The following TSC2 variants were observed in gnomAD, a reference collection of about 807,000 sequenced individuals.
TSC2 encodes the protein tuberin.
In TSC2, 29 loss-of-function variants were observed where a neutral mutation model predicts 202.2. The ratio of observed to expected loss-of-function variants is 0.14; its 90% CI spans 0.11 to 0.20. The LOEUF is 0.20. Ranked by LOEUF, TSC2 falls within the 10% of genes least tolerant of loss-of-function variation. TSC2 has a pLI of 1.00. For missense variants in TSC2, 2,429 were observed against 2,420.0 expected (o/e 1.00, Z -0.08); for synonymous variants, 1,349 against 1,044.0 (o/e 1.29, Z -5.63).
chr16:2,076,245 G>T, intron 24 of TSC2, 75 bp downstream of exon 24: 1 of 1,600,598 alleles, frequency 6.2e-7, no homozygotes, highest in Non-Finnish European at 8.5e-7. Context: ...TCCATGGTCG[G>T]GCAGAGTGAC....
chr16:2,074,703 G>T (rs1387745883), intron 22 of TSC2: 2 of 448,636 alleles, frequency 4.5e-6, no homozygotes, highest in Admixed American at 6.8e-5. Context: ...CTTCAGGGGG[G>T]CTTTGTTCGC....
At chr16:2,060,344 T>C (rs1187318690) in intron 10 of TSC2, among the ~76,000 whole-genome samples, 3 of 152,164 alleles carry the variant, frequency 2.0e-5, no homozygotes, top group Non-Finnish European at 4.4e-5. Context: ...ATGTTGTCTT[T>C]GTGCACAGCT....
intron 16 of TSC2, 83 bp from the exon 17 acceptor site, chr16:2,070,373 G>A: frequency 1.2e-6 from 2 of 1,611,550 alleles, no homozygotes; most frequent in Non-Finnish European, 1.7e-6. Flanking sequence ...AGCCGCCCCG[G>A]CCCCTGCTCC....
Position 2,076,385 on chromosome 16 carries a change from C to A in TSC2, c.2743-106C>A, listed in dbSNP as rs376311544. On this transcript the variant is annotated intron_variant, in intron 24 of 41. Coordinates refer to ENST00000219476, the MANE Select transcript of TSC2 (RefSeq NM_000548.5). Reference sequence around the variant, plus strand: ...TGGGAGCTGGGTGCCGCCGCCTTGCCCCTAGCCTGCAGCTTGTCCCTGGCC... The same window carrying A: ...TGGGAGCTGGGTGCCGCCGCCTTGCACCTAGCCTGCAGCTTGTCCCTGGCC... 2.9e-5 allele frequency: 46 copies of A among 1,586,714 alleles called. No individual in the cohort carries two copies. The East Asian group carries it at 6.0e-4, about 21-fold the overall frequency.
Position 2,081,630 on chromosome 16 carries a change from C to T in TSC2, c.3646C>T (p.Leu1216Phe). The change falls in exon 31 of 42, where the codon CTC becomes TTC. Residue 1216 changes from leucine (L) to phenylalanine (F), a missense_variant. Coordinates refer to ENST00000219476, the MANE Select transcript of TSC2 (RefSeq NM_000548.5). ...CTGGCTGATGAGCCTGGAGAACCCG[C>T]TCAGCCCTTTCTCCTCGGACATCAA... ...TSWLMSLENP[L>F]SPFSSDINNM... 1 of 1,612,912 alleles carries T rather than the reference C, an allele frequency of 6.2e-7. No homozygotes were observed. Among genetic ancestry groups the T allele is most frequent in the Non-Finnish European group, 8.5e-7 (1 of 1,180,010 alleles).
In TSC2 at chr16:2,079,676, CT is replaced by C; in HGVS notation, c.3397+9del. 1 of 1,576,800 alleles carries C rather than the reference CT, an allele frequency of 6.3e-7. No individual in the cohort carries two copies. Among genetic ancestry groups the C allele is most frequent in the Non-Finnish European group, 8.6e-7 (1 of 1,162,514 alleles). ...CGGGTCCGTTCCATGTCGGGTGAGC[CT>C]TGGCCCCAGCCACCTCCACACAGGC... On this transcript the variant is annotated splice_region_variant and intron_variant, in intron 29 of 41. Transcript: ENST00000219476. This position sits in a 1 kb window ranked among gnomAD's most constrained non-coding sequence, Gnocchi z 4.6.
At chr16:2,081,212 C>T in intron 30 of TSC2, 1 of 357,628 alleles carries the variant, frequency 2.8e-6, no homozygotes, top group Non-Finnish European at 5.4e-6. Flanking sequence ...CAGAGGGAGC[C>T]CCCGCAGAGG....
Position 2,056,667 on chromosome 16 carries a change from C to A in TSC2, c.672C>A (p.Ala224=). The A allele has an allele frequency of 6.2e-7, 1 of 1,611,932 alleles. No homozygotes were observed. Among genetic ancestry groups the A allele is most frequent in the African/African-American group, 1.3e-5 (1 of 75,052 alleles). The change falls in exon 8 of 42, where the codon GCC becomes GCA. Residue 224 remains alanine, a synonymous_variant. Coordinates refer to ENST00000219476, the MANE Select transcript of TSC2 (RefSeq NM_000548.5). ...AGGTCTCCCTGCAGGTGCTGGACGC[C>A]GTGGTCTGCTACAACTGCCTGCCGG... ...DIEVSLQVLD[A]VVCYNCLPAE... is the part of the protein sequence containing the mutation.
At chr16:2,086,144 G>GGGCCC (rs759256837) in intron 36 of TSC2, 49 bp from the exon 37 acceptor site, 16 of 1,607,900 alleles carry the variant, frequency 1.0e-5, no homozygotes, top group East Asian at 6.7e-5. Context: ...CTGCGGGGCA[G>GGGCCC]GGCCCGGCCC....
chr16:2,070,637 C>T (rs867299469), intron 17 of TSC2, 59 bp downstream of exon 17: 11 of 1,610,658 alleles, frequency 6.8e-6, no homozygotes, highest in Middle Eastern at 3.3e-4. Context: ...ATCCCCGTCT[C>T]GGCAGGTGTG....
At chr16:2,051,820 T>G (rs2085163878) in intron 3 of TSC2, among the ~76,000 whole-genome samples, 1 of 152,180 alleles carries the variant, frequency 6.6e-6, no homozygotes, top group African/African-American at 2.4e-5. Flanking sequence ...ATCCCAGCAC[T>G]TTGGGAGGCC....
intron 20 of TSC2, chr16:2,072,625 CTAAGTGGGG>C: frequency 1.2e-6 from 1 of 817,854 alleles, no homozygotes; most frequent in South Asian, 1.8e-5. Context: ...TGTGCTTTTC[CTAAGTGGGG>C]CTCCCGTGCC....
intron 22 of TSC2, among the ~76,000 whole-genome samples, 163 bp from the exon 23 acceptor site, chr16:2,075,636 G>C (rs1033364475): frequency 6.6e-6 from 1 of 152,146 alleles, no homozygotes; most frequent in Non-Finnish European, 1.5e-5. Flanking sequence ...GCTGGCCATG[G>C]GACCGAGAGT....
intron 15 of TSC2, chr16:2,064,780 C>T (rs1175671886): frequency 5.1e-6 from 2 of 392,212 alleles, no homozygotes; most frequent in Non-Finnish European, 9.7e-6. Context: ...TTGGTTTCTG[C>T]ACAGTCACTC....
At chr16:2,058,631 C>T in intron 9 of TSC2, 116 bp from the exon 10 acceptor site, 5 of 1,478,850 alleles carry the variant, frequency 3.4e-6, no homozygotes, top group Non-Finnish European at 3.7e-6. Context: ...CTCCTGCCCC[C>T]CCCAAGCACA....
intron 32 of TSC2, chr16:2,083,298 T>G (rs1455481994): frequency 4.4e-6 from 2 of 457,288 alleles, no homozygotes; most frequent in African/African-American, 2.0e-5. Flanking sequence ...AAACAGGGAC[T>G]TCCCCCACGT....
intron 11 of TSC2, 51 bp from the exon 12 acceptor site, chr16:2,061,820 G>T: frequency 1.2e-6 from 2 of 1,613,666 alleles, no homozygotes; most frequent in South Asian, 2.2e-5. Context: ...CTGGTGCCAA[G>T]TCCATGTGGG....
rs960627354 is a variant in TSC2 at position 2,082,558 on chromosome 16, G to A, written c.3883+54G>A. The A allele has an allele frequency of 1.5e-5, 24 of 1,594,224 alleles. No homozygotes were observed. In the African/African-American group the frequency reaches 2.9e-4, roughly 20 times the overall value. ...CTGCAGAGCGCCACTCTGCCTCATA[G>A]GTGCTGTGCTCGTCGCCTCATCCGC... is the stretch of plus-strand genomic sequence containing the variant. On this transcript the variant is annotated intron_variant, in intron 32 of 41. Transcript: ENST00000219476.
In TSC2 at chr16:2,079,907, C is replaced by T. The variant is rs886478654; in HGVS notation, c.3397+238C>T. 1.1e-4 allele frequency among the ~76,000 whole-genome samples: 16 copies of T among 152,170 alleles called. No homozygotes were observed. The highest frequency in any genetic ancestry group is 3.9e-4 in the African/African-American group (16 of 41,444). ...GGTGCTGGTGTTTCCTGCGGGTTTTCAGCTCGGCTCAGTCCTGGAGCCCTT... is the reference window on the plus strand; with the variant it reads ...GGTGCTGGTGTTTCCTGCGGGTTTTTAGCTCGGCTCAGTCCTGGAGCCCTT... On this transcript the variant is annotated intron_variant, in intron 29 of 41. Coordinates refer to ENST00000219476, the MANE Select transcript of TSC2 (RefSeq NM_000548.5). This position sits in a 1 kb window ranked among gnomAD's most constrained non-coding sequence, Gnocchi z 4.6.
Sources: gnomAD v4.1 joint callset for allele counts (sites outside exome capture counted in the v4.1 genomes callset) on GRCh38, gnomAD v4.1.1 for gene constraint, Gnocchi (gnomAD v3.1) non-coding constraint, MANE v1.5 for transcripts, NCBI Gene and HGNC (gene_info 2026-07-23, HGNC 2026-07-21) for gene names.